The following NOP2 variants were observed in gnomAD, a reference collection of about 807,000 sequenced individuals.
NOP2 encodes the protein 28S rRNA (cytosine(4447)-C(5))-methyltransferase.
NOP2 carries 7 observed loss-of-function variants against 72.7 expected under a neutral mutation model. That is an observed-to-expected ratio of 0.10 (90% CI 0.05 to 0.18). The LOEUF is 0.18. NOP2 is among the 10% of genes least tolerant of loss of function. The pLI, the probability that NOP2 is intolerant of heterozygous loss-of-function variation, is 1.00. For synonymous variants in NOP2, 387 were observed against 388.0 expected, an observed-to-expected ratio of 1.00 and a Z score of 0.03; for missense variants, 954 against 1,014.7, an observed-to-expected ratio of 0.94 and a Z score of 0.81.
Position 6,556,889 on chromosome 12 carries a change from T to C in NOP2, c.*104A>G. 1 of 1,323,926 alleles carries C rather than the reference T, an allele frequency of 7.6e-7. No homozygotes were observed. The highest frequency in any genetic ancestry group is 1.0e-6 in the Non-Finnish European group (1 of 959,192). 82.0% of individuals were successfully genotyped at this position (1,323,926 alleles called of 1,614,324 possible). ...CAGTGGCCAGAGGTTTTAAAATGTG[T>C]ATTAAATTTCATGGGTATGCACAGT... On this transcript the variant is annotated 3_prime_UTR_variant, in exon 16 of 16. Transcript: ENST00000322166.
At position 6,560,819 on chromosome 12, in the gene NOP2, T is replaced by G; in HGVS notation, c.1348-32A>C. On this transcript the variant is annotated intron_variant, in intron 12 of 15. Coordinates refer to ENST00000322166, the MANE Select transcript of NOP2 (RefSeq NM_001258308.2). The surrounding 1 kb of genome is among the most constrained non-coding windows in gnomAD (Gnocchi z 5.0). Reference sequence around the variant, plus strand: ...AAAAGATACAGATGAATCATATGTCTCTTCTGCAACCAGCAGGGCAATATT... The same window carrying G: ...AAAAGATACAGATGAATCATATGTCGCTTCTGCAACCAGCAGGGCAATATT... 6.2e-7 allele frequency: 1 copy of G among 1,609,698 alleles called. No individual in the cohort carries two copies. Among genetic ancestry groups the G allele is most frequent in the East Asian group, 2.2e-5 (1 of 44,616 alleles).
chr12:6,561,034 T>C lies in NOP2; in HGVS notation c.1244A>G (p.Asn415Ser), dbSNP rs754017928. 3.4e-5 allele frequency: 55 copies of C among 1,613,834 alleles called. No individual in the cohort carries two copies. The highest frequency in any genetic ancestry group is 1.6e-4 in the Middle Eastern group (1 of 6,082). The change falls in exon 12 of 16, where the codon AAT (asparagine) becomes AGT (serine). Residue 415 changes from asparagine (N) to serine (S), a missense_variant. Physicochemically the swap from Asn to Ser is conservative, Grantham distance 46 (BLOSUM62 1). Around this residue, in one of 3 missense-constraint regions of NOP2, gnomAD observed 187 missense variants for 276.2 expected, o/e 0.68. Transcript: ENST00000322166. Reference protein sequence around the residue: ...LMKNTGVILANDANAERLKSV... With the variant: ...LMKNTGVILASDANAERLKSV... ...CTTGAGCCGCTCAGCATTGGCGTCA[T>C]TGGCAAGGATCACACCCGTGTTCTT...
Position 6,567,912 on chromosome 12 carries a change from G to T in NOP2, c.7C>A (p.Arg3Ser). 6.2e-7 allele frequency: 1 copy of T among 1,613,746 alleles called. No individual in the cohort carries two copies. Among genetic ancestry groups the T allele is most frequent in the Non-Finnish European group, 8.5e-7 (1 of 1,179,746 alleles). ...TTCTCCTTCGTAGGGTCCAACTTGC[G>T]CCCCATGGTACTGTGGCAGGCAGAA... MG[R>S]KLDPTKEKRG... is the part of the protein sequence containing the mutation. The change falls in exon 2 of 16, where the codon CGC becomes AGC. Residue 3 changes from arginine (R) to serine (S), a missense_variant. This residue lies in a region of NOP2 where 498 missense variants were observed against 478.3 expected (regional missense o/e 1.04). Coordinates refer to ENST00000322166, the MANE Select transcript of NOP2 (RefSeq NM_001258308.2).
At chr12:6,558,659 G>A (rs1444947437) in intron 15 of NOP2, among the ~76,000 whole-genome samples, 2 of 149,936 alleles carry the variant, frequency 1.3e-5, no homozygotes, top group East Asian at 3.9e-4. Flanking sequence ...GCCCAGGCTG[G>A]AGTACAGTGG....
In NOP2 at chr12:6,557,070, T is replaced by C. The variant is rs1383275217; in HGVS notation, c.2362A>G (p.Ile788Val). ...KGPQPPTVSP[I>V]RSSRPPPAKR... is the part of the protein sequence containing the mutation. ...GCTGGTGGGGGGCGGCTGGAACGGA[T>C]GGGAGACACAGTGGGAGGCTGAGGC... The change falls in exon 16 of 16, where the codon ATC (isoleucine) becomes GTC (valine). Residue 788 changes from isoleucine (I) to valine (V), a missense_variant. Around this residue, in one of 3 missense-constraint regions of NOP2, gnomAD observed 269 missense variants for 260.2 expected, o/e 1.03. Coordinates refer to ENST00000322166, the MANE Select transcript of NOP2 (RefSeq NM_001258308.2). The C allele has an allele frequency of 6.2e-7, 1 of 1,613,810 alleles. No individual in the cohort carries two copies. The highest frequency in any genetic ancestry group is 8.5e-7 in the Non-Finnish European group (1 of 1,179,888).
In NOP2 at chr12:6,560,838, C is replaced by A. The variant is rs374323024; in HGVS notation, c.1348-51G>T. ...TATGTCTCTTCTGCAACCAGCAGGG[C>A]AATATTTACTAGGGTCGAGTCTAAA... is the stretch of plus-strand genomic sequence containing the variant. On this transcript the variant is annotated intron_variant, in intron 12 of 15. Coordinates refer to ENST00000322166, the MANE Select transcript of NOP2 (RefSeq NM_001258308.2). The surrounding 1 kb of genome is among the most constrained non-coding windows in gnomAD (Gnocchi z 5.0). The A allele has an allele frequency of 6.2e-7, 1 of 1,608,234 alleles. No homozygotes were observed. The highest frequency in any genetic ancestry group is 8.5e-7 in the Non-Finnish European group (1 of 1,176,992).
intron 1 of NOP2, 71 bp downstream of exon 1, chr12:6,568,136 C>T: frequency 1.2e-5 from 7 of 579,954 alleles, no homozygotes; most frequent in Non-Finnish European, 2.2e-5. Context: ...CCAGGTAGCG[C>T]ACCCTTCTCC....
chr12:6,568,104 C>A (rs561677613), intron 1 of NOP2, 103 bp downstream of exon 1: 4 of 594,132 alleles, frequency 6.7e-6, no homozygotes, highest in South Asian at 2.0e-5. Flanking sequence ...GAGGCCCGAC[C>A]GAACGCCCTC....
chr12:6,565,345 C>CTTT (rs765750969), intron 5 of NOP2, among the ~76,000 whole-genome samples: 2 of 145,224 alleles, frequency 1.4e-5, no homozygotes, highest in Non-Finnish European at 3.0e-5. Context: ...TTTAACTTAA[C>CTTT]TTTTTTTTTT....
At position 6,566,299 on chromosome 12, in the gene NOP2, C is replaced by T; in HGVS notation, c.276G>A (p.Lys92=). 6.2e-7 allele frequency: 1 copy of T among 1,613,872 alleles called. No individual in the cohort carries two copies. Among genetic ancestry groups the T allele is most frequent in the Non-Finnish European group, 8.5e-7 (1 of 1,179,888 alleles). The change falls in exon 5 of 16, where the codon AAG becomes AAA. Residue 92 remains lysine, a synonymous_variant. Coordinates refer to ENST00000322166, the MANE Select transcript of NOP2 (RefSeq NM_001258308.2). ...GAGCATTAAATAGGGACTGGGGTCC[C>T]TTCTTACCAGCTGTCTGGACAGCTC... ...SAGAVQTAGK[K]GPQSLFNAPR... is the part of the protein sequence containing the mutation.
At position 6,560,590 on chromosome 12, in the gene NOP2, A is replaced by C; in HGVS notation, c.1438-21T>G. The C allele has an allele frequency of 1.9e-6, 3 of 1,598,940 alleles. No homozygotes were observed. The highest frequency in any genetic ancestry group is 2.6e-6 in the Non-Finnish European group (3 of 1,170,572). ...TCATCCTGTCCCAAAAAGAGACCCAAAGGCAGCCTCAGGAGGAGAGGGGAG... is the reference window on the plus strand; with the variant it reads ...TCATCCTGTCCCAAAAAGAGACCCACAGGCAGCCTCAGGAGGAGAGGGGAG... On this transcript the variant is annotated intron_variant, in intron 13 of 15. Coordinates refer to ENST00000322166, the MANE Select transcript of NOP2 (RefSeq NM_001258308.2). This position sits in a 1 kb window ranked among gnomAD's most constrained non-coding sequence, Gnocchi z 5.0.
chr12:6,567,580 T>C (rs1947815743), intron 2 of NOP2: 5 of 422,208 alleles, frequency 1.2e-5, no homozygotes, highest in African/African-American at 6.2e-5. Context: ...GAACTCACAA[T>C]TGTTTTAAAT....
rs1454607911 is a variant in NOP2, at chr12:6,563,185, A to G, written c.889-15T>C. ...AACTCCACCAGCTGCGGGGCAAGACAGCAGGGAATAAGTGAGGCTGGCTAA... is the reference window on the plus strand; with the variant it reads ...AACTCCACCAGCTGCGGGGCAAGACGGCAGGGAATAAGTGAGGCTGGCTAA... On this transcript the variant is annotated splice_polypyrimidine_tract_variant and intron_variant, in intron 8 of 15. Transcript: ENST00000322166. The G allele has an allele frequency of 3.2e-6, 5 of 1,575,450 alleles. No homozygotes were observed. Among genetic ancestry groups the G allele is most frequent in the Non-Finnish European group, 4.3e-6 (5 of 1,160,682 alleles).
chr12:6,568,089 C>T (rs1299937843), intron 1 of NOP2, 118 bp downstream of exon 1: 1 of 603,828 alleles, frequency 1.7e-6, no homozygotes, highest in African/African-American at 1.9e-5. Context: ...CCCGCTATCC[C>T]CCTGGAGGCC....
At chr12:6,562,690 C>T (rs376777129) in intron 9 of NOP2, among the ~76,000 whole-genome samples, 1 of 152,222 alleles carries the variant, frequency 6.6e-6, no homozygotes, top group Non-Finnish European at 1.5e-5. Flanking sequence ...CAACAACTGA[C>T]TTTACAACAG....
intron 1 of NOP2, 131 bp downstream of exon 1, chr12:6,568,076 A>AC (rs1203204621): frequency 1.6e-6 from 1 of 615,362 alleles, no homozygotes; most frequent in Admixed American, 2.9e-5. Context: ...CGACTCAAGC[A>AC]CCCCCGCTAT....
intron 15 of NOP2, chr12:6,558,010 A>G: frequency 2.9e-6 from 1 of 343,278 alleles, no homozygotes; most frequent in Non-Finnish European, 5.6e-6. Context: ...GGATGGTGGT[A>G]CACACCTGTA....
At chr12:6,558,610 CTTTTTTTT>C (rs869220261) in intron 15 of NOP2, among the ~76,000 whole-genome samples, 1 of 133,926 alleles carries the variant, frequency 7.5e-6, no homozygotes, top group Non-Finnish European at 1.6e-5. Context: ...CTTTATTTAT[CTTTTTTTT>C]TTTTTTTTTG....
At chr12:6,568,031 C>A (rs3764909) in intron 1 of NOP2, 109 bp from the exon 2 acceptor site, 43,513 of 752,534 alleles carry the variant, frequency 0.058, 3,860 homozygotes, top group East Asian at 0.34. Context: ...AACTCAGCAC[C>A]CGCAACTCAC....
Sources: allele counts gnomAD v4.1 joint callset (sites outside exome capture counted in the v4.1 genomes callset), GRCh38; gene constraint gnomAD v4.1.1; regional missense constraint gnomAD v4.1.1; non-coding constraint Gnocchi (gnomAD v3.1); transcripts MANE v1.5; gene names NCBI Gene and HGNC (gene_info 2026-07-23, HGNC 2026-07-21).